SLC12A5: variants seen among roughly 807,000 people sequenced by gnomAD.
SLC12A5 encodes the protein solute carrier family 12 member 5.
Under a neutral mutation model 124.0 loss-of-function variants are expected in SLC12A5, and 18 were observed. The ratio of observed to expected loss-of-function variants is 0.15; its 90% CI spans 0.10 to 0.22. The LOEUF (loss-of-function observed/expected upper bound fraction) is 0.22, where lower values mean the gene tolerates loss of function less well. Among genes scored for constraint, SLC12A5 ranks in the 10% least tolerant of loss-of-function variants. The probability of loss-of-function intolerance (pLI) is 1.00; values close to 1 mark genes in which losing one functional copy is unlikely to be tolerated. For missense variants in SLC12A5, 867 were observed against 1,478.7 expected, an observed-to-expected ratio of 0.59 and a Z score of 6.78; for synonymous variants, 589 against 568.0, an observed-to-expected ratio of 1.04 and a Z score of -0.53.
At chr20:46,054,797 G>A (rs1412814198) in intron 20 of SLC12A5, 119 bp from the exon 21 acceptor site, 10 of 681,938 alleles carry the variant, frequency 1.5e-5, no homozygotes, top group East Asian at 5.5e-5. Flanking sequence ...GAAGCCCTAG[G>A]CTGCCAGAAG....
At chr20:46,022,614 G>A (rs1368066164) in intron 1 of SLC12A5, 9 of 387,554 alleles carry the variant, frequency 2.3e-5, no homozygotes, top group Non-Finnish European at 4.1e-5. Context: ...ATTCAGGGAG[G>A]ATGCCGTAGG....
chr20:46,029,007 C>T (rs1476711724), upstream of SLC12A5: 2 of 595,202 alleles, frequency 3.4e-6, no homozygotes, highest in Non-Finnish European at 4.6e-6. Context: ...ACGCAATCCC[C>T]CAGTTTTTGT....
chr20:46,036,842 G>A (rs1319296104), intron 5 of SLC12A5, 47 bp downstream of exon 5: 1 of 1,608,196 alleles, frequency 6.2e-7, no homozygotes, highest in Admixed American at 1.7e-5. Context: ...TGGGTGGAAG[G>A]AGGGATAGTG....
At chr20:46,029,420 G>T in intron 1 of SLC12A5, 24 bp downstream of exon 1, 1 of 1,488,314 alleles carries the variant, frequency 6.7e-7, no homozygotes, top group Non-Finnish European at 9.1e-7. Context: ...CGGGGGCGGC[G>T]GGGGAGGGGG....
At chr20:46,035,193 C>A in intron 2 of SLC12A5, 151 bp downstream of exon 2, 1 of 1,015,882 alleles carries the variant, frequency 9.8e-7, no homozygotes, top group Non-Finnish European at 1.5e-6. Context: ...CCCTCCTTCT[C>A]CCTCCTGGGA....
rs1440816317 is a variant in SLC12A5, at chr20:46,059,576, A to G, written c.*1971A>G. ...CTGTATCAACATCAATTAGGGAACC[A>G]AAGTTGCACTATCTGGGCCCAGATT... On this transcript the variant is annotated 3_prime_UTR_variant, in exon 26 of 26. Coordinates refer to ENST00000243964, the MANE Select transcript of SLC12A5 (RefSeq NM_020708.5). 6 of 398,950 alleles carry G rather than the reference A, an allele frequency of 1.5e-5. No homozygotes were observed. The highest frequency in any genetic ancestry group is 2.7e-5 in the Non-Finnish European group (6 of 226,068). 24.7% of individuals were successfully genotyped at this position (398,950 alleles called of 1,614,324 possible). A position where few individuals can be genotyped will look rare whatever the true frequency, so the allele number is the denominator to read the frequency against.
At chr20:46,046,057 C>T (rs567483992) in intron 13 of SLC12A5, 61 bp downstream of exon 13, 325 of 1,494,114 alleles carry the variant, frequency 2.2e-4, no homozygotes, top group Admixed American at 1.2e-3. Context: ...CTGAATCCTG[C>T]AGCCGTTACC....
intron 10 of SLC12A5, 42 bp downstream of exon 10, chr20:46,043,773 C>G (rs772384273): frequency 1.4e-5 from 23 of 1,612,680 alleles, no homozygotes; most frequent in Non-Finnish European, 1.9e-5. Flanking sequence ...CGGGGGAGGG[C>G]AAGAGGGAGG....
intron 16 of SLC12A5, among the ~76,000 whole-genome samples, chr20:46,048,654 T>A (rs1361134772): frequency 2.6e-5 from 4 of 152,104 alleles, no homozygotes; most frequent in African/African-American, 9.7e-5. Flanking sequence ...GTGGATCACT[T>A]GAGGCCAGGG....
chr20:46,057,458 C>T lies in SLC12A5; in HGVS notation c.3260-56C>T, dbSNP rs1334308075. 5.0e-6 allele frequency: 8 copies of T among 1,606,898 alleles called. No homozygotes were observed. In the East Asian group the frequency reaches 1.3e-4, roughly 27 times the overall value. ...GAGGTCCCCTGGCAGCCGAGCGCGA[C>T]CCCAATTTCGTCGGGAGGGAAGGAG... On this transcript the variant is annotated intron_variant, in intron 25 of 25. Coordinates refer to ENST00000243964, the MANE Select transcript of SLC12A5 (RefSeq NM_020708.5). The surrounding 1 kb of genome is among the most constrained non-coding windows in gnomAD (Gnocchi z 7.1).
In SLC12A5 at chr20:46,053,117, G is replaced by A. The variant is rs1460297659; in HGVS notation, c.2538G>A (p.Arg846=). ...GMLMLLPFLL[R]HHKVWRKCKM... ...TCATGCTGCTGCCCTTCCTGCTGCG[G>A]CACCACAAGGTGAGTTGTGTGCGTG... Residue 846 remains arginine (R), a synonymous_variant, in exon 19 of 26, where the codon CGG becomes CGA. Transcript: ENST00000243964. The surrounding 1 kb of genome is among the most constrained non-coding windows in gnomAD (Gnocchi z 4.7). 1.9e-6 allele frequency: 3 copies of A among 1,609,802 alleles called. No individual in the cohort carries two copies. The highest frequency in any genetic ancestry group is 2.2e-5 in the South Asian group (2 of 91,002).
chr20:46,036,046 C>T lies in SLC12A5; in HGVS notation c.426+123C>T, dbSNP rs953683591. On this transcript the variant is annotated intron_variant, in intron 4 of 25. Transcript: ENST00000243964. ...TTTTATAGGAACCACTGCTTATGATCTTTGAGAGTAAATTAGGCCTGACTG... is the reference window on the plus strand; with the variant it reads ...TTTTATAGGAACCACTGCTTATGATTTTTGAGAGTAAATTAGGCCTGACTG... 4 of 1,239,174 alleles carry T rather than the reference C, an allele frequency of 3.2e-6. No homozygotes were observed. In the African/African-American group the frequency reaches 4.5e-5, roughly 14 times the overall value. The allele number at this position is 1,239,174 out of a possible 1,614,324, so 76.8% of individuals were successfully genotyped here.
intron 1 of SLC12A5, among the ~76,000 whole-genome samples, chr20:46,033,517 CAT>C (rs2084471812): frequency 6.6e-6 from 1 of 152,206 alleles, no homozygotes; most frequent in South Asian, 2.1e-4. Context: ...GCATACTACA[CAT>C]GTTTACATAG....
intron 7 of SLC12A5, 31 bp from the exon 8 acceptor site, chr20:46,041,298 C>G: frequency 6.2e-7 from 1 of 1,605,616 alleles, no homozygotes; most frequent in Non-Finnish European, 8.5e-7. Context: ...TTATGTGGCT[C>G]CCCACCTTCC....
Position 46,048,042 on chromosome 20 carries a change from C to T in SLC12A5, c.1969C>T (p.Leu657Phe). ...GLSLSAARYA[L>F]LRLEEGPPHT... Reference sequence around the variant, plus strand: ...GTCTCTCAGTGCGGCTCGCTATGCCCTCTTACGCCTGGAGGAAGGGCCCCC... The same window carrying T: ...GTCTCTCAGTGCGGCTCGCTATGCCTTCTTACGCCTGGAGGAAGGGCCCCC... Residue 657 changes from leucine to phenylalanine, a missense_variant, in exon 16 of 26, where the codon CTC becomes TTC. Coordinates refer to ENST00000243964, the MANE Select transcript of SLC12A5 (RefSeq NM_020708.5). The T allele has an allele frequency of 6.2e-7, 1 of 1,612,854 alleles. No individual in the cohort carries two copies. Among genetic ancestry groups the T allele is most frequent in the Non-Finnish European group, 8.5e-7 (1 of 1,179,456 alleles).
At chr20:46,023,458 C>T (rs879637943) in exon 3 of SLC12A5, 2 of 398,956 alleles carry the variant, frequency 5.0e-6, no homozygotes. Context: ...TCATCATCGC[C>T]CTGCTCCAAG....
intron 18 of SLC12A5, 30 bp downstream of exon 18, chr20:46,051,900 A>C: frequency 2.7e-5 from 6 of 221,776 alleles, no homozygotes; most frequent in Non-Finnish European, 4.6e-5. Context: ...GGGACAGAAG[A>C]GGGGTGGGGC....
Position 46,030,645 on chromosome 20 carries a change from G to A in SLC12A5, c.52+1249G>A, listed in dbSNP as rs1413293320. 2.6e-5 allele frequency among the ~76,000 whole-genome samples: 4 copies of A among 152,294 alleles called. No individual in the cohort carries two copies. In the East Asian group the frequency reaches 7.7e-4, roughly 29 times the overall value. ...CTTGACCCTATGAGCCTAGACTCCC[G>A]CAGATCCCTCTGGCGGATGGCGCCT... is the stretch of plus-strand genomic sequence containing the variant. On this transcript the variant is annotated intron_variant, in intron 1 of 25. Coordinates refer to ENST00000243964, the MANE Select transcript of SLC12A5 (RefSeq NM_020708.5).
At chr20:46,030,550 C>A (rs1011805079) in intron 1 of SLC12A5, among the ~76,000 whole-genome samples, 1 of 151,856 alleles carries the variant, frequency 6.6e-6, no homozygotes, top group African/African-American at 2.4e-5. Flanking sequence ...CGCTGCGTCC[C>A]CTGCGCACTA....
Sources: gnomAD v4.1 joint callset for allele counts (sites outside exome capture counted in the v4.1 genomes callset) on GRCh38, gnomAD v4.1.1 for gene constraint, Gnocchi (gnomAD v3.1) non-coding constraint, MANE v1.5 for transcripts, NCBI Gene and HGNC (gene_info 2026-07-23, HGNC 2026-07-21) for gene names.